The following TBL1XR1 variants were observed in gnomAD, a reference collection of about 807,000 sequenced individuals.
The protein encoded by TBL1XR1 is F-box-like/WD repeat-containing protein TBL1XR1.
In TBL1XR1, 5 loss-of-function variants were observed where a neutral mutation model predicts 66.9. That is an observed-to-expected ratio of 0.07 (90% CI 0.04 to 0.16). TBL1XR1 has a LOEUF of 0.16. Among genes scored for constraint, TBL1XR1 ranks in the 10% least tolerant of loss-of-function variants. The pLI is 1.00. For synonymous variants in TBL1XR1, 210 were observed against 206.0 expected (o/e 1.02, Z -0.17); for missense variants, 238 against 623.2 (o/e 0.38, Z 6.58).
intron 1 of TBL1XR1, among the ~76,000 whole-genome samples, chr3:177,179,208 T>TAAA (rs561886191): frequency 1.4e-3 from 213 of 149,814 alleles, no homozygotes; most frequent in African/African-American, 5.2e-3. Flanking sequence ...CTTCAAAGAC[T>TAAA]AAAAACATGG....
chr3:177,123,249 C>G (rs1014383482), intron 1 of TBL1XR1, among the ~76,000 whole-genome samples: 1 of 151,918 alleles, frequency 6.6e-6, no homozygotes, highest in Non-Finnish European at 1.5e-5. Flanking sequence ...CAGTATTTAC[C>G]TTCCTAATCA....
chr3:177,114,525 T>G (rs1048935723), intron 1 of TBL1XR1, among the ~76,000 whole-genome samples: 1 of 151,370 alleles, frequency 6.6e-6, no homozygotes, highest in Non-Finnish European at 1.5e-5. Context: ...AGTCTTGAAC[T>G]CCTGGGCTCA....
Position 177,091,912 on chromosome 3 carries a change from T to C in TBL1XR1, c.-46+6554A>G, listed in dbSNP as rs772827878. On this transcript the variant is annotated intron_variant, in intron 2 of 15. Coordinates refer to ENST00000457928, the MANE Select transcript of TBL1XR1 (RefSeq NM_024665.7). ...TACACATAATAAAAGCTTGATATAA[T>C]TGAATATGAACATTCTCATTGCCCT... Among the ~76,000 whole-genome samples, 32 of 152,186 alleles carry C rather than the reference T, an allele frequency of 2.1e-4. 1 individual carries two copies. The highest frequency in any genetic ancestry group is 9.8e-4 in the Admixed American group (15 of 15,274).
At chr3:177,121,426 T>C (rs978050115) in intron 1 of TBL1XR1, among the ~76,000 whole-genome samples, 16 of 152,194 alleles carry the variant, frequency 1.1e-4, no homozygotes, top group Middle Eastern at 3.2e-3. Context: ...AATCTTTTTC[T>C]TCCCTTCCAT....
chr3:177,170,894 C>A (rs865812959), intron 1 of TBL1XR1, among the ~76,000 whole-genome samples: 2 of 152,078 alleles, frequency 1.3e-5, no homozygotes, highest in African/African-American at 4.8e-5. Flanking sequence ...CATGAGCCAC[C>A]GTGCCAATGA....
At chr3:177,086,825 C>T (rs1214334011) in intron 2 of TBL1XR1, 1 of 151,688 alleles carries the variant, frequency 6.6e-6, no homozygotes, top group Non-Finnish European at 1.5e-5. Context: ...TAACTACTAA[C>T]AACCTAGTTA....
At chr3:177,104,103 G>A (rs1372729440) in intron 1 of TBL1XR1, among the ~76,000 whole-genome samples, 16 of 139,638 alleles carry the variant, frequency 1.1e-4, no homozygotes, top group Admixed American at 4.5e-4. Flanking sequence ...GTGACAGAGC[G>A]AGACTCGGTC....
chr3:177,116,859 T>C (rs901671849), intron 1 of TBL1XR1, among the ~76,000 whole-genome samples: 1 of 152,226 alleles, frequency 6.6e-6, no homozygotes, highest in Non-Finnish European at 1.5e-5. Flanking sequence ...CTATTTTTCC[T>C]AGATTTTCTA....
At chr3:177,150,613 ATGT>A (rs1730771304) in intron 1 of TBL1XR1, among the ~76,000 whole-genome samples, 2 of 152,188 alleles carry the variant, frequency 1.3e-5, no homozygotes, top group Non-Finnish European at 2.9e-5. Flanking sequence ...ACATAGTTTG[ATGT>A]TGTAGAATGT....
chr3:177,096,066 T>TTTCCTCCTCCTGCATGTTGCTACA (rs1723439358), intron 2 of TBL1XR1, among the ~76,000 whole-genome samples: 1 of 152,202 alleles, frequency 6.6e-6, no homozygotes, highest in South Asian at 2.1e-4. Flanking sequence ...AGGGAGGTAG[T>TTTCCTCCTCCTGCATGTTGCTACA]AGAGGTAACT....
chr3:177,061,776 T>A (rs1232671315), intron 3 of TBL1XR1, among the ~76,000 whole-genome samples: 2 of 152,254 alleles, frequency 1.3e-5, no homozygotes. Flanking sequence ...TAATTCTCAA[T>A]AAGTATCATT....
At chr3:177,060,501 T>C (rs139910954) in intron 3 of TBL1XR1, among the ~76,000 whole-genome samples, 57 of 152,310 alleles carry the variant, frequency 3.7e-4, no homozygotes, top group African/African-American at 1.3e-3. Context: ...CTCTTAGACA[T>C]GTAATAGTTA....
chr3:177,183,579 T>G (rs1735073009), intron 1 of TBL1XR1, among the ~76,000 whole-genome samples: 1 of 151,734 alleles, frequency 6.6e-6, no homozygotes, highest in Non-Finnish European at 1.5e-5. Flanking sequence ...GGTGCGATTT[T>G]GGCTCACTGC....
At chr3:177,125,884 T>C (rs1410349417) in intron 1 of TBL1XR1, 1 of 152,226 alleles carries the variant, frequency 6.6e-6, no homozygotes, top group African/African-American at 2.4e-5. Context: ...GAATGGGCTA[T>C]TAATCATTAT....
chr3:177,123,408 CAA>C, intron 1 of TBL1XR1, among the ~76,000 whole-genome samples: 1 of 152,052 alleles, frequency 6.6e-6, no homozygotes, highest in East Asian at 1.9e-4. Flanking sequence ...TATTTCCAAC[CAA>C]AGAGATTCAG....
intron 1 of TBL1XR1, among the ~76,000 whole-genome samples, chr3:177,099,640 GCCC>G (rs1723945746): frequency 6.6e-6 from 1 of 152,240 alleles, no homozygotes; most frequent in South Asian, 2.1e-4. Context: ...GTGGGCGTGA[GCCC>G]CCAAGGTTTG....
intron 1 of TBL1XR1, among the ~76,000 whole-genome samples, chr3:177,114,744 G>C (rs1726095109): frequency 6.6e-6 from 1 of 151,890 alleles, no homozygotes. Flanking sequence ...GGGACGCTGA[G>C]ATGGGAAGAT....
rs1349678059 is a variant in TBL1XR1 at position 177,143,312 on chromosome 3, A to C, written c.-121-44771T>G. Among the ~76,000 whole-genome samples, 3 of 152,096 alleles carry C rather than the reference A, an allele frequency of 2.0e-5. No individual in the cohort carries two copies. The South Asian group carries it at 6.2e-4, about 32-fold the overall frequency. On this transcript the variant is annotated intron_variant, in intron 1 of 15. Coordinates refer to ENST00000457928, the MANE Select transcript of TBL1XR1 (RefSeq NM_024665.7). ...TAGGAGCGATGCTCAGTATTTGCTAAGTCAGTGTTCAAGGCAACTATAAAG... is the reference window on the plus strand; with the variant it reads ...TAGGAGCGATGCTCAGTATTTGCTACGTCAGTGTTCAAGGCAACTATAAAG...
At chr3:177,092,312 T>G (rs962965168) in intron 2 of TBL1XR1, among the ~76,000 whole-genome samples, 2 of 152,182 alleles carry the variant, frequency 1.3e-5, no homozygotes, top group Admixed American at 6.5e-5. Flanking sequence ...AGATTAATCT[T>G]AATTCATTAG....
Sources: gnomAD v4.1 joint callset for allele counts (sites outside exome capture counted in the v4.1 genomes callset) on GRCh38, gnomAD v4.1.1 for gene constraint, MANE v1.5 for transcripts, NCBI Gene and HGNC (gene_info 2026-07-23, HGNC 2026-07-21) for gene names.